The following VPS52 variants were observed in gnomAD, a reference collection of about 807,000 sequenced individuals.
VPS52 encodes vacuolar protein sorting-associated protein 52 homolog.
In VPS52, 56 loss-of-function variants were observed where a neutral mutation model predicts 98.7. The ratio of observed to expected loss-of-function variants is 0.57; its 90% CI spans 0.46 to 0.71. The LOEUF (loss-of-function observed/expected upper bound fraction) is 0.71. VPS52 is among the 30% of genes least tolerant of loss of function. VPS52 has a pLI of 0.00. For missense variants in VPS52, 742 were observed against 925.9 expected (o/e 0.80, Z 2.58); for synonymous variants, 348 against 346.4 (o/e 1.00, Z -0.05).
rs34635006 is a variant in VPS52 at position 33,251,898 on chromosome 6, A to G, written c.1868T>C (p.Ile623Thr). ...AAGTCGCTCAGCCTGTCCACGCTCA[A>G]TCAAAGCCTCAGCCTCCTTCACAAA... ...VAFVKEAEALIERGQAERLRG... is the reference protein window; with the variant it reads ...VAFVKEAEALTERGQAERLRG... The change falls in exon 18 of 20, where the codon ATT (isoleucine) becomes ACT (threonine). Residue 623 changes from isoleucine (I) to threonine (T), a missense_variant. Physicochemically the swap from Ile to Thr is moderately conservative, Grantham distance 89. Coordinates refer to ENST00000445902, the MANE Select transcript of VPS52 (RefSeq NM_022553.6). 3,896 of 1,613,290 alleles carry G rather than the reference A, an allele frequency of 2.4e-3. 12 individuals carry two copies. Among genetic ancestry groups the G allele is most frequent in the Middle Eastern group, 8.2e-3 (50 of 6,062 alleles).
intron 19 of VPS52, 22 bp downstream of exon 19, chr6:33,251,496 G>A: frequency 6.9e-7 from 1 of 1,459,760 alleles, no homozygotes; most frequent in Non-Finnish European, 9.6e-7. Flanking sequence ...GATCTGAGTG[G>A]GGCCTGGGAC....
chr6:33,262,213 G>T (rs1440187008), intron 17 of VPS52, among the ~76,000 whole-genome samples: 3 of 152,144 alleles, frequency 2.0e-5, no homozygotes, highest in Middle Eastern at 3.4e-3. Flanking sequence ...ATGGGCAAAA[G>T]ATTTGAATAG....
intron 17 of VPS52, among the ~76,000 whole-genome samples, chr6:33,253,698 G>A (rs1762596563): frequency 6.6e-6 from 1 of 151,890 alleles, no homozygotes; most frequent in Admixed American, 6.6e-5. Context: ...GAGGCTGCAG[G>A]GAGTTATATC....
chr6:33,264,941 T>C, intron 12 of VPS52, 41 bp from the exon 13 acceptor site: 1 of 1,546,782 alleles, frequency 6.5e-7, no homozygotes, highest in Non-Finnish European at 8.9e-7. Context: ...AAAGAGAATG[T>C]CAGTTTGTTG....
chr6:33,264,130 C>T (rs1233007168), intron 14 of VPS52, 27 bp from the exon 15 acceptor site: 4 of 1,611,230 alleles, frequency 2.5e-6, no homozygotes, highest in Non-Finnish European at 2.5e-6. Flanking sequence ...AGGAAAATCA[C>T]ACCCACCTCC....
At position 33,267,462 on chromosome 6, in the gene VPS52, G is replaced by C; in HGVS notation, c.992-141C>G. On this transcript the variant is annotated intron_variant, in intron 10 of 19. Transcript: ENST00000445902. This position sits in a 1 kb window ranked among gnomAD's most constrained non-coding sequence, Gnocchi z 4.2. Reference sequence around the variant, plus strand: ...TAGGGCCCCACGTGCTGACATCTGTGAATGGGCTTCAGGGTGTCTCTCCCT... The same window carrying C: ...TAGGGCCCCACGTGCTGACATCTGTCAATGGGCTTCAGGGTGTCTCTCCCT... 1 of 1,360,526 alleles carries C rather than the reference G, an allele frequency of 7.4e-7. No individual in the cohort carries two copies. The highest frequency in any genetic ancestry group is 1.0e-6 in the Non-Finnish European group (1 of 1,001,734). The allele number at this position is 1,360,526 out of a possible 1,614,324, so 84.3% of individuals were successfully genotyped here.
chr6:33,270,134 T>C, intron 2 of VPS52, 65 bp downstream of exon 2: 2 of 1,612,508 alleles, frequency 1.2e-6, no homozygotes, highest in South Asian at 2.2e-5. Flanking sequence ...ATCCCTACCT[T>C]ATTCCTTCCA....
chr6:33,253,263 G>A (rs1463137422), intron 17 of VPS52, among the ~76,000 whole-genome samples: 2 of 152,168 alleles, frequency 1.3e-5, no homozygotes, highest in South Asian at 2.1e-4. Flanking sequence ...GCTGAGGCGG[G>A]TAGATCACCT....
Position 33,267,274 on chromosome 6 carries a change from G to A in VPS52, c.1039C>T (p.Leu347=), listed in dbSNP as rs887455903. ...GAGATGACAGAGCCGCGGGTTCCTA[G>A]GGTGAAAATGGTGTTCCTGCTGCGG... is the stretch of plus-strand genomic sequence containing the variant. ...SLRSRNTIFT[L]GTRGSVISPT... Residue 347 remains leucine (L), a synonymous_variant, in exon 11 of 20, where the codon CTA becomes TTA. Transcript: ENST00000445902. This position sits in a 1 kb window ranked among gnomAD's most constrained non-coding sequence, Gnocchi z 4.2. 1 of 1,604,404 alleles carries A rather than the reference G, an allele frequency of 6.2e-7. No individual in the cohort carries two copies.
chr6:33,251,818 TCC>T (rs773326576), intron 18 of VPS52, 40 bp downstream of exon 18: 4 of 1,598,390 alleles, frequency 2.5e-6, no homozygotes, highest in Non-Finnish European at 3.4e-6. Flanking sequence ...CTTTTCCACT[TCC>T]CTTACCACTG....
rs12191464 is a variant in VPS52, at chr6:33,259,741, C to T, written c.1794+3743G>A. Reference sequence around the variant, plus strand: ...TCAAAATCTGAAACATTTCTGATCCCGAGCATCTTTAGCAGCATCCTTGGT... The same window carrying T: ...TCAAAATCTGAAACATTTCTGATCCTGAGCATCTTTAGCAGCATCCTTGGT... On this transcript the variant is annotated intron_variant, in intron 17 of 19. Transcript: ENST00000445902. Among the ~76,000 whole-genome samples, 1,492 of 151,794 alleles carry T rather than the reference C, an allele frequency of 9.8e-3. 22 individuals are homozygous for T. Among genetic ancestry groups the T allele is most frequent in the Non-Finnish European group, 0.014 (939 of 67,952 alleles).
chr6:33,250,803 G>A lies in VPS52; in HGVS notation c.*38C>T, dbSNP rs759025079. On this transcript the variant is annotated 3_prime_UTR_variant, in exon 20 of 20. Transcript: ENST00000445902. ...TATGGAATGGGGTGCAGAAGTCCAT[G>A]GAGATGACCGGCAGATCTCAGGGCG... The A allele has an allele frequency of 6.2e-7, 1 of 1,600,032 alleles. No homozygotes were observed. The highest frequency in any genetic ancestry group is 1.3e-5 in the African/African-American group (1 of 74,678).
In VPS52 at chr6:33,263,679, A is replaced by G. The variant is rs1763936607; in HGVS notation, c.1728+93T>C. 3 of 1,583,072 alleles carry G rather than the reference A, an allele frequency of 1.9e-6. No individual in the cohort carries two copies. In the African/African-American group the frequency reaches 4.0e-5, roughly 21 times the overall value. On this transcript the variant is annotated intron_variant, in intron 16 of 19. Coordinates refer to ENST00000445902, the MANE Select transcript of VPS52 (RefSeq NM_022553.6). ...GACTCCAAGAGTAAAACACTGAACA[A>G]GACAGGCATCATCTCTGCCCTCACA...
intron 1 of VPS52, 170 bp downstream of exon 1, chr6:33,271,416 C>CT: frequency 1.0e-6 from 1 of 979,458 alleles, no homozygotes; most frequent in Non-Finnish European, 1.6e-6. Context: ...GTTTCAGCCA[C>CT]TAGGGTCCCG....
intron 17 of VPS52, among the ~76,000 whole-genome samples, chr6:33,252,730 T>C (rs1414148740): frequency 6.6e-6 from 1 of 151,838 alleles, no homozygotes; most frequent in African/African-American, 2.4e-5. Context: ...AATTATACAA[T>C]GAATTAGAAT....
chr6:33,264,155 C>T (rs1188474636), intron 14 of VPS52, 52 bp from the exon 15 acceptor site: 1 of 1,600,502 alleles, frequency 6.2e-7, no homozygotes, highest in South Asian at 1.1e-5. Flanking sequence ...CCAACCAACA[C>T]AACCTCCCAA....
At chr6:33,258,516 C>A (rs1581575682) in intron 17 of VPS52, among the ~76,000 whole-genome samples, 1 of 149,570 alleles carries the variant, frequency 6.7e-6, no homozygotes, top group African/African-American at 2.5e-5. Context: ...CTGTAACCTA[C>A]GTATAATCAA....
chr6:33,258,107 G>A (rs954651748), intron 17 of VPS52, among the ~76,000 whole-genome samples: 1 of 151,936 alleles, frequency 6.6e-6, no homozygotes, highest in Non-Finnish European at 1.5e-5. Context: ...AAAAACAAAG[G>A]CTGGACGCGG....
chr6:33,267,383 C>A lies in VPS52; in HGVS notation c.992-62G>T. The A allele has an allele frequency of 6.6e-7, 1 of 1,520,436 alleles. No individual in the cohort carries two copies. Among genetic ancestry groups the A allele is most frequent in the South Asian group, 1.3e-5 (1 of 74,678 alleles). 94.2% of individuals were successfully genotyped at this position (1,520,436 alleles called of 1,614,324 possible). A position where few individuals can be genotyped will look rare whatever the true frequency, so the allele number is the denominator to read the frequency against. On this transcript the variant is annotated intron_variant, in intron 10 of 19. Coordinates refer to ENST00000445902, the MANE Select transcript of VPS52 (RefSeq NM_022553.6). The surrounding 1 kb of genome is among the most constrained non-coding windows in gnomAD (Gnocchi z 4.2). Reference sequence around the variant, plus strand: ...ATAACTGGGCCCAAAGACTCACTATCTGTGGGGACCCCAGACAGGCAGACG... The same window carrying A: ...ATAACTGGGCCCAAAGACTCACTATATGTGGGGACCCCAGACAGGCAGACG...
Sources: gnomAD v4.1 joint callset for allele counts (sites outside exome capture counted in the v4.1 genomes callset) on GRCh38, gnomAD v4.1.1 for gene constraint, Gnocchi (gnomAD v3.1) non-coding constraint, MANE v1.5 for transcripts, NCBI Gene and HGNC (gene_info 2026-07-23, HGNC 2026-07-21) for gene names.